Variants in ABCG1 observed in about 807,000 individuals in gnomAD.
ABCG1 encodes the protein ATP binding cassette subfamily G member 1, also known as ATP-binding cassette sub-family G member 1.
A neutral mutation model predicts 69.2 loss-of-function variants in ABCG1; 29 were observed. The ratio of observed to expected loss-of-function variants is 0.42; its 90% CI spans 0.31 to 0.57. The LOEUF (loss-of-function observed/expected upper bound fraction) is 0.57. ABCG1 is among the 20% of genes least tolerant of loss of function. The pLI is 0.15. For missense variants in ABCG1, 718 were observed against 898.1 expected (o/e 0.80, Z 2.56); for synonymous variants, 370 against 374.8 (o/e 0.99, Z 0.15).
At position 42,290,237 on chromosome 21, in the gene ABCG1, AC is replaced by A; in HGVS notation, c.1393+23del. 1 of 1,606,244 alleles carries A rather than the reference AC, an allele frequency of 6.2e-7. No homozygotes were observed. The highest frequency in any genetic ancestry group is 8.5e-7 in the Non-Finnish European group (1 of 1,174,070). ...CTGACATGTGAGTGACAGACCGCTG[AC>A]CCCTTCTTCCTTATTTTCAATTCCT... On this transcript the variant is annotated intron_variant, in intron 11 of 14. Coordinates refer to ENST00000398449, the MANE Select transcript of ABCG1 (RefSeq NM_016818.3).
chr21:42,256,654 G>A (rs1157494820), intron 2 of ABCG1: 4 of 1,466,792 alleles, frequency 2.7e-6, no homozygotes, highest in East Asian at 5.0e-5. Flanking sequence ...GTTCCCACCA[G>A]GCAGCCCTTT....
At chr21:42,213,353 A>G (rs1458971805), upstream of ABCG1, among the ~76,000 whole-genome samples, 3 of 152,244 alleles carry the variant, frequency 2.0e-5, no homozygotes, top group Non-Finnish European at 2.9e-5. Context: ...GCTTCTGTGC[A>G]GGGCCATCTC....
At chr21:42,228,145 C>T (rs2067846562) in intron 2 of ABCG1, among the ~76,000 whole-genome samples, 1 of 152,122 alleles carries the variant, frequency 6.6e-6, no homozygotes, top group Non-Finnish European at 1.5e-5. Flanking sequence ...GGGAGGAGCC[C>T]CAACTGTCCA....
At chr21:42,278,402 A>G (rs225402) in intron 5 of ABCG1, among the ~76,000 whole-genome samples, 115,745 of 152,134 alleles carry the variant, frequency 0.76, 44,921 homozygotes, top group African/African-American at 0.91. Flanking sequence ...TAAAGCCTAC[A>G]CCCCAGAAAC....
At chr21:42,286,790 A>G (rs62217183) in intron 8 of ABCG1, among the ~76,000 whole-genome samples, 1,673 of 152,238 alleles carry the variant, frequency 0.011, 16 homozygotes, top group Non-Finnish European at 0.019. Flanking sequence ...GGTCCTGGAG[A>G]GATGAGGGCA....
chr21:42,294,625 G>A lies in ABCG1; in HGVS notation c.1737G>A (p.Thr579=), dbSNP rs149806632. 1.6e-5 allele frequency: 26 copies of A among 1,614,140 alleles called. No homozygotes were observed. In the African/African-American group the frequency reaches 2.1e-4, roughly 13 times the overall value. Residue 579 remains threonine (T), a synonymous_variant, in exon 14 of 15, where the codon ACG becomes ACA. Coordinates refer to ENST00000398449, the MANE Select transcript of ABCG1 (RefSeq NM_016818.3). ...TCGTCAGCTTCGACACCATCCCCACGTACCTACAGTGGATGTCCTACATCT... is the reference window on the plus strand; with the variant it reads ...TCGTCAGCTTCGACACCATCCCCACATACCTACAGTGGATGTCCTACATCT... ...GFFVSFDTIP[T]YLQWMSYISY... is the part of the protein sequence containing the mutation.
chr21:42,284,486 T>A, intron 6 of ABCG1, 74 bp from the exon 7 acceptor site: 1 of 1,567,598 alleles, frequency 6.4e-7, no homozygotes, highest in Non-Finnish European at 8.6e-7. Context: ...AGGAACTCCC[T>A]GGACCCCCGG....
At chr21:42,260,846 G>A (rs565042175) in intron 2 of ABCG1, among the ~76,000 whole-genome samples, 3 of 150,392 alleles carry the variant, frequency 2.0e-5, no homozygotes, top group South Asian at 2.1e-4. Flanking sequence ...TTTTTGAGAC[G>A]GAGTCTCGCT....
chr21:42,213,186 T>C (rs28760964), upstream of ABCG1, among the ~76,000 whole-genome samples: 18,914 of 152,040 alleles, frequency 0.12, 1,359 homozygotes, highest in East Asian at 0.22. Flanking sequence ...ACCCTGAAGG[T>C]GTTTCAGAGG....
rs560733041 is a variant in ABCG1, at chr21:42,201,798, C to G, written c.48+75C>G. On this transcript the variant is annotated intron_variant, in intron 2 of 15. Coordinates refer to the ABCG1 transcript ENST00000398457. ...AGACTGGGCTTGTTTCAACTCGTTCCGTGGGCCTGATGTAGTCTAGAGATG... is the reference window on the plus strand; with the variant it reads ...AGACTGGGCTTGTTTCAACTCGTTCGGTGGGCCTGATGTAGTCTAGAGATG... 2.6e-4 allele frequency: 413 copies of G among 1,607,544 alleles called. 9 individuals carry two copies. The South Asian group carries it at 3.8e-3, about 15-fold the overall frequency.
rs573085410 is a variant in ABCG1 at position 42,234,823 on chromosome 21, C to A, written c.286+8909C>A. On this transcript the variant is annotated intron_variant, in intron 2 of 14. Transcript: ENST00000398449. ...AGCCCCTCGCGCGCGCAGGTGCGGG[C>A]GGGGCGGGTGCGCGCTGCCGCGCGT... Among the ~76,000 whole-genome samples the A allele has an allele frequency of 5.3e-5, 8 of 151,454 alleles. No homozygotes were observed. The South Asian group carries it at 1.7e-3, about 31-fold the overall frequency.
chr21:42,289,931 T>C (rs533765215), intron 10 of ABCG1, 119 bp from the exon 11 acceptor site: 211 of 1,128,906 alleles, frequency 1.9e-4, no homozygotes, highest in Non-Finnish European at 2.6e-4. Flanking sequence ...CAGGATAAAG[T>C]CTAAGACGTG....
At chr21:42,220,008 G>T in intron 1 of ABCG1, 1 of 1,553,646 alleles carries the variant, frequency 6.4e-7, no homozygotes. Flanking sequence ...GGAGAGGGAT[G>T]GCGGGGTGTC....
At chr21:42,202,675 G>A (rs1311691431) in intron 2 of ABCG1, among the ~76,000 whole-genome samples, 4 of 151,774 alleles carry the variant, frequency 2.6e-5, no homozygotes, top group Admixed American at 6.5e-5. Flanking sequence ...ACAGGGGCGC[G>A]ATCACAGCTC....
chr21:42,212,394 C>T (rs560953937), upstream of ABCG1, among the ~76,000 whole-genome samples: 1 of 152,112 alleles, frequency 6.6e-6, no homozygotes, highest in South Asian at 2.1e-4. Context: ...ACAGAGCCTC[C>T]GAGATTATGT....
In ABCG1 at chr21:42,296,739, C is replaced by T. The variant is rs1331279088; in HGVS notation, c.*347C>T. Reference sequence around the variant, plus strand: ...AGTCCAGTCGCTCCTTAGCACCAGGCACCGTGGGTCCTGGATGGGGAACTG... The same window carrying T: ...AGTCCAGTCGCTCCTTAGCACCAGGTACCGTGGGTCCTGGATGGGGAACTG... On this transcript the variant is annotated 3_prime_UTR_variant, in exon 15 of 15. Coordinates refer to ENST00000398449, the MANE Select transcript of ABCG1 (RefSeq NM_016818.3). This position sits in a 1 kb window ranked among gnomAD's most constrained non-coding sequence, Gnocchi z 5.4. 6.1e-6 allele frequency: 2 copies of T among 325,624 alleles called. No individual in the cohort carries two copies. Among genetic ancestry groups the T allele is most frequent in the Non-Finnish European group, 1.2e-5 (2 of 171,182 alleles). The allele number at this position is 325,624 out of a possible 1,614,324, so 20.2% of individuals were successfully genotyped here. A position where few individuals can be genotyped will look rare whatever the true frequency, so the allele number is the denominator to read the frequency against.
intron 13 of ABCG1, 115 bp from the exon 14 acceptor site, chr21:42,294,427 C>T (rs982002925): frequency 3.8e-6 from 3 of 793,056 alleles, no homozygotes; most frequent in African/African-American, 3.4e-5. Context: ...TCATCATTAC[C>T]CTGCCCAGAA....
At chr21:42,266,891 C>T (rs774591446) in intron 2 of ABCG1, among the ~76,000 whole-genome samples, 1 of 152,240 alleles carries the variant, frequency 6.6e-6, no homozygotes, top group South Asian at 2.1e-4. Flanking sequence ...GTGCCTGGGG[C>T]CCTGCTCAGA....
intron 4 of ABCG1, among the ~76,000 whole-genome samples, chr21:42,275,404 T>C (rs149040962): frequency 1.3e-3 from 201 of 152,342 alleles, no homozygotes; most frequent in African/African-American, 4.4e-3. Flanking sequence ...GCAGAGGACC[T>C]CTGAGGAGTT....
Sources: allele counts gnomAD v4.1 joint callset (sites outside exome capture counted in the v4.1 genomes callset), GRCh38; gene constraint gnomAD v4.1.1; non-coding constraint Gnocchi (gnomAD v3.1); transcripts MANE v1.5; gene names NCBI Gene and HGNC (gene_info 2026-07-23, HGNC 2026-07-21).